Variants in CNTN4 observed in about 807,000 individuals in gnomAD.
CNTN4 encodes contactin-4.
In CNTN4, 77 loss-of-function variants were observed where a neutral mutation model predicts 122.5. The observed-to-expected ratio is 0.63, with a 90% confidence interval of 0.52 to 0.76. The LOEUF (loss-of-function observed/expected upper bound fraction) is 0.76. CNTN4 is among the 30% of genes least tolerant of loss of function. The pLI, the probability that CNTN4 is intolerant of heterozygous loss-of-function variation, is 0.00. For missense variants in CNTN4, 1,256 were observed against 1,259.1 expected, an observed-to-expected ratio of 1.00 and a Z score of 0.04; for synonymous variants, 512 against 447.0, an observed-to-expected ratio of 1.15 and a Z score of -1.83.
At position 2,988,244 on chromosome 3, in the gene CNTN4, A is replaced by T. The variant is rs531084683; in HGVS notation, c.1359-101A>T. On this transcript the variant is annotated intron_variant, in intron 13 of 24. Transcript: ENST00000418658. ...TCATCTTTACTACAAATAATGTAGC[A>T]ATGATTTATGGTTTGAACAATGACA... 38 of 1,109,560 alleles carry T rather than the reference A, an allele frequency of 3.4e-5. No homozygotes were observed. In the South Asian group the frequency reaches 4.8e-4, roughly 14 times the overall value. The allele number at this position is 1,109,560 out of a possible 1,614,324, so 68.7% of individuals were successfully genotyped here.
At position 3,057,652 on chromosome 3, in the gene CNTN4, C is replaced by T. The variant is rs1701895665; in HGVS notation, c.*1432C>T. Reference sequence around the variant, plus strand: ...CTTACAAATAATATAACTTTTCAACCTTCTAGTTATATTTATCCAATAAAG... The same window carrying T: ...CTTACAAATAATATAACTTTTCAACTTTCTAGTTATATTTATCCAATAAAG... On this transcript the variant is annotated 3_prime_UTR_variant, in exon 25 of 25. Transcript: ENST00000418658. The T allele has an allele frequency of 6.6e-6, 1 of 152,514 alleles. No individual in the cohort carries two copies. 9.4% of individuals were successfully genotyped at this position (152,514 alleles called of 1,614,324 possible). A position where few individuals can be genotyped will look rare whatever the true frequency, so the allele number is the denominator to read the frequency against.
At chr3:2,853,307 C>T (rs562276847) in intron 7 of CNTN4, among the ~76,000 whole-genome samples, 2 of 152,052 alleles carry the variant, frequency 1.3e-5, no homozygotes, top group East Asian at 1.9e-4. Context: ...TGCAGTGGTG[C>T]GATCTCGGCT....
chr3:2,157,922 C>T (rs551221071), intron 2 of CNTN4, among the ~76,000 whole-genome samples: 1 of 152,148 alleles, frequency 6.6e-6, no homozygotes, highest in Non-Finnish European at 1.5e-5. Flanking sequence ...AAATCATTCT[C>T]AGAAATCTAT....
chr3:2,466,970 C>CTTTTTTTTTTTTTTTTTTTTTTTTTTTTT (rs60879017), intron 3 of CNTN4, among the ~76,000 whole-genome samples: 1 of 115,812 alleles, frequency 8.6e-6, no homozygotes, highest in Non-Finnish European at 1.7e-5. Context: ...TTCTTTCTTT[C>CTTTTTTTTTTTTTTTTTTTTTTTTTTTTT]TTTTTTTTTT....
chr3:3,049,147 A>G (rs771018072), intron 23 of CNTN4, among the ~76,000 whole-genome samples: 2 of 152,142 alleles, frequency 1.3e-5, no homozygotes, highest in Non-Finnish European at 1.5e-5. Flanking sequence ...TAGTGGTACA[A>G]TCTTGGCTCA....
chr3:2,899,394 GA>G (rs2094148738), intron 10 of CNTN4, among the ~76,000 whole-genome samples: 2 of 152,150 alleles, frequency 1.3e-5, no homozygotes, highest in Non-Finnish European at 2.9e-5. Context: ...TATCAACTTT[GA>G]TTATTAGGTT....
intron 3 of CNTN4, among the ~76,000 whole-genome samples, chr3:2,444,708 T>C (rs945595168): frequency 2.6e-5 from 4 of 152,108 alleles, no homozygotes; most frequent in African/African-American, 9.7e-5. Flanking sequence ...CCATTACCAC[T>C]GCAGCCTAGT....
At chr3:2,477,380 G>C (rs1354070356) in intron 3 of CNTN4, among the ~76,000 whole-genome samples, 13 of 152,088 alleles carry the variant, frequency 8.5e-5, no homozygotes, top group Non-Finnish European at 5.9e-5. Context: ...TATTTATAAT[G>C]ATAAAACTCC....
chr3:2,569,326 T>G (rs570395566), intron 3 of CNTN4, among the ~76,000 whole-genome samples: 1 of 152,324 alleles, frequency 6.6e-6, no homozygotes, highest in South Asian at 2.1e-4. Flanking sequence ...GAGCCCATTA[T>G]TAAGTAGCTT....
chr3:3,024,486 G>A (rs887450364), intron 14 of CNTN4, among the ~76,000 whole-genome samples: 3 of 150,312 alleles, frequency 2.0e-5, no homozygotes, highest in East Asian at 1.9e-4. Flanking sequence ...CAAAAGCCTC[G>A]GTCTTTCAAA....
At chr3:3,031,482 G>A (rs1699156471) in intron 16 of CNTN4, among the ~76,000 whole-genome samples, 1 of 152,032 alleles carries the variant, frequency 6.6e-6, no homozygotes, top group African/African-American at 2.4e-5. Context: ...CTTCCTGACT[G>A]CCTGGGATGT....
At chr3:2,898,180 G>C (rs1276230593) in intron 10 of CNTN4, among the ~76,000 whole-genome samples, 1 of 152,120 alleles carries the variant, frequency 6.6e-6, no homozygotes, top group East Asian at 1.9e-4. Context: ...CAAATGGCGT[G>C]TTAAGATAGA....
At chr3:2,292,548 A>G (rs988318224) in intron 2 of CNTN4, among the ~76,000 whole-genome samples, 3 of 152,156 alleles carry the variant, frequency 2.0e-5, no homozygotes, top group Non-Finnish European at 4.4e-5. Flanking sequence ...ATAATTTTCC[A>G]AAGTTCTTTT....
At chr3:2,798,247 T>C (rs56374744) in intron 6 of CNTN4, among the ~76,000 whole-genome samples, 5,073 of 151,612 alleles carry the variant, frequency 0.033, 238 homozygotes, top group African/African-American at 0.11. Context: ...GACAAGATTT[T>C]ATTCTTTTTT....
intron 2 of CNTN4, among the ~76,000 whole-genome samples, chr3:2,315,237 A>ACTT (rs143126726): frequency 0.3 from 46,182 of 151,722 alleles, 7,420 homozygotes; most frequent in Admixed American, 0.4. Context: ...ATAATAAGTA[A>ACTT]CTTCTCTTGA....
intron 6 of CNTN4, among the ~76,000 whole-genome samples, chr3:2,764,183 C>T (rs1293640292): frequency 1.3e-5 from 2 of 151,994 alleles, no homozygotes; most frequent in Non-Finnish European, 1.5e-5. Flanking sequence ...AGTTCATGTT[C>T]TAGTATGGAA....
intron 3 of CNTN4, among the ~76,000 whole-genome samples, chr3:2,533,462 C>T (rs1192242849): frequency 6.6e-6 from 1 of 150,568 alleles, no homozygotes; most frequent in African/African-American, 2.4e-5. Context: ...AGGACATGAA[C>T]TCATCCTTTT....
rs189077831 is a variant in CNTN4 at position 3,056,265 on chromosome 3, T to A, written c.*45T>A. 7.1e-7 allele frequency: 1 copy of A among 1,403,164 alleles called. No individual in the cohort carries two copies. Among genetic ancestry groups the A allele is most frequent in the Admixed American group, 1.7e-5 (1 of 59,712 alleles). 86.9% of individuals were successfully genotyped at this position (1,403,164 alleles called of 1,614,324 possible). The stretch of plus-strand genomic sequence containing the variant: ...TTGCTGTTTATAATATAAGCAACAT[T>A]TAGCTAGTTGTTTTGAAGACACCCA... On this transcript the variant is annotated 3_prime_UTR_variant, in exon 25 of 25. Coordinates refer to ENST00000418658, the MANE Select transcript of CNTN4 (RefSeq NM_175607.3).
At chr3:2,522,340 G>A (rs943691348) in intron 3 of CNTN4, among the ~76,000 whole-genome samples, 4 of 151,974 alleles carry the variant, frequency 2.6e-5, no homozygotes, top group Admixed American at 6.6e-5. Context: ...GTATTAACAA[G>A]GTGGTTGCAT....
Sources: allele counts gnomAD v4.1 joint callset (sites outside exome capture counted in the v4.1 genomes callset), GRCh38; gene constraint gnomAD v4.1.1; transcripts MANE v1.5; gene names NCBI Gene and HGNC (gene_info 2026-07-23, HGNC 2026-07-21).